The following IPO11 variants were observed in gnomAD, a reference collection of about 807,000 sequenced individuals.
IPO11 encodes the protein importin 11.
A neutral mutation model predicts 143.2 loss-of-function variants in IPO11; 66 were observed. The observed-to-expected ratio is 0.46, with a 90% CI of 0.38 to 0.57. The LOEUF is 0.57. IPO11 is among the 20% of genes least tolerant of loss of function. The pLI, the probability that IPO11 is intolerant of heterozygous loss-of-function variation, is 0.00. For missense variants in IPO11, 1,026 were observed against 1,141.0 expected, an observed-to-expected ratio of 0.90 and a Z score of 1.45; for synonymous variants, 385 against 377.8, an observed-to-expected ratio of 1.02 and a Z score of -0.22.
intron 28 of IPO11, among the ~76,000 whole-genome samples, chr5:62,594,282 A>G (rs951849833): frequency 2.6e-5 from 4 of 152,202 alleles, no homozygotes; most frequent in Admixed American, 1.3e-4. Flanking sequence ...CTTAGGACCC[A>G]TGAGAGCCCA....
chr5:62,424,180 C>G (rs907762322), intron 1 of IPO11, among the ~76,000 whole-genome samples: 2 of 151,374 alleles, frequency 1.3e-5, no homozygotes, highest in African/African-American at 4.9e-5. Context: ...TGCTCTGTCG[C>G]TCAGGCTGGA....
chr5:62,542,933 GTAA>G (rs1743015173), intron 24 of IPO11, among the ~76,000 whole-genome samples: 1 of 152,190 alleles, frequency 6.6e-6, no homozygotes, highest in African/African-American at 2.4e-5. Context: ...AACTTATTGT[GTAA>G]TAATAATAGC....
chr5:62,588,695 C>T (rs1165157166), intron 27 of IPO11, among the ~76,000 whole-genome samples: 2 of 152,226 alleles, frequency 1.3e-5, no homozygotes, highest in Non-Finnish European at 2.9e-5. Context: ...ACTCTACCAG[C>T]TTTGCAAGCT....
chr5:62,610,441 AT>A (rs1745886577), intron 29 of IPO11, among the ~76,000 whole-genome samples: 1 of 152,190 alleles, frequency 6.6e-6, no homozygotes. Flanking sequence ...TTTACTATTA[AT>A]TTTTATCCAT....
chr5:62,438,033 T>C (rs144902878), intron 2 of IPO11, among the ~76,000 whole-genome samples: 336 of 152,344 alleles, frequency 2.2e-3, no homozygotes, highest in African/African-American at 7.6e-3. Flanking sequence ...ACTTTTCTTC[T>C]GAGAAATTGA....
At chr5:62,584,125 T>C (rs1242384441) in intron 27 of IPO11, among the ~76,000 whole-genome samples, 1 of 152,162 alleles carries the variant, frequency 6.6e-6, no homozygotes, top group African/African-American at 2.4e-5. Context: ...TAAAAGCATA[T>C]AACTTTTAAA....
At chr5:62,605,929 C>T (rs1745696684) in intron 29 of IPO11, among the ~76,000 whole-genome samples, 1 of 151,992 alleles carries the variant, frequency 6.6e-6, no homozygotes, top group Admixed American at 6.6e-5. Flanking sequence ...CAGGGTCCCA[C>T]TTTGTTGCTT....
chr5:62,613,082 T>C, intron 29 of IPO11, among the ~76,000 whole-genome samples: 1 of 152,188 alleles, frequency 6.6e-6, no homozygotes. Context: ...TTGTTTAATG[T>C]ACTTTTTCTT....
chr5:62,592,741 A>G (rs1745071619), intron 28 of IPO11, among the ~76,000 whole-genome samples: 1 of 152,100 alleles, frequency 6.6e-6, no homozygotes, highest in Admixed American at 6.5e-5. Flanking sequence ...GGCAGGAAGG[A>G]GAAGTGCTGT....
At chr5:62,425,115 T>G (rs153864) in intron 1 of IPO11, among the ~76,000 whole-genome samples, 9,293 of 152,240 alleles carry the variant, frequency 0.061, 409 homozygotes, top group East Asian at 0.14. Flanking sequence ...TTCATTTCTT[T>G]CTCTCAGGAG....
intron 24 of IPO11, among the ~76,000 whole-genome samples, chr5:62,542,348 TA>T (rs1742987095): frequency 6.6e-6 from 1 of 152,166 alleles, no homozygotes; most frequent in Non-Finnish European, 1.5e-5. Flanking sequence ...ATTTTTATGT[TA>T]AGGAATATTT....
At chr5:62,420,304 A>G in intron 1 of IPO11, among the ~76,000 whole-genome samples, 1 of 151,936 alleles carries the variant, frequency 6.6e-6, no homozygotes, top group Non-Finnish European at 1.5e-5. Context: ...AAAAAAAAAA[A>G]AAAAAAGTAT....
chr5:62,586,764 AAAAAATATATATAT>A (rs1318238895), intron 27 of IPO11, among the ~76,000 whole-genome samples: 1 of 83,144 alleles, frequency 1.2e-5, no homozygotes, highest in African/African-American at 4.6e-5. Context: ...AAAAAAAAAA[AAAAAATATATATAT>A]ATATATATAT....
At chr5:62,415,617 C>T (rs994571503) in intron 1 of IPO11, among the ~76,000 whole-genome samples, 16 of 151,986 alleles carry the variant, frequency 1.1e-4, no homozygotes, top group African/African-American at 3.9e-4. Flanking sequence ...TACCGGCATG[C>T]ACCGCCATGC....
At chr5:62,551,381 A>G (rs1743385770) in intron 26 of IPO11, 45 bp downstream of exon 26, 2 of 1,019,504 alleles carry the variant, frequency 2.0e-6, no homozygotes, top group South Asian at 1.4e-5. Flanking sequence ...TTATCTAAAT[A>G]TAAATTAGAA....
At chr5:62,596,632 C>T (rs1340637744) in intron 28 of IPO11, among the ~76,000 whole-genome samples, 6 of 152,270 alleles carry the variant, frequency 3.9e-5, no homozygotes, top group Middle Eastern at 3.4e-3. Flanking sequence ...ACCCACTGAA[C>T]GGCTCTTCAG....
intron 4 of IPO11, among the ~76,000 whole-genome samples, chr5:62,451,263 A>G (rs1744916216): frequency 1.3e-5 from 2 of 152,358 alleles, no homozygotes. Context: ...TTACTGTATT[A>G]TAAATTAAAA....
At chr5:62,426,256 G>A (rs531537734) in intron 1 of IPO11, among the ~76,000 whole-genome samples, 3 of 152,188 alleles carry the variant, frequency 2.0e-5, no homozygotes, top group East Asian at 3.9e-4. Flanking sequence ...GCATGGTGGC[G>A]GGTACCTGTA....
At chr5:62,443,849 A>T (rs186583476) in intron 3 of IPO11, among the ~76,000 whole-genome samples, 2 of 152,338 alleles carry the variant, frequency 1.3e-5, no homozygotes, top group Admixed American at 1.3e-4. Context: ...CATTGTAGAC[A>T]TGACCCTGGG....
Sources: gnomAD v4.1 joint callset for allele counts (sites outside exome capture counted in the v4.1 genomes callset) on GRCh38, gnomAD v4.1.1 for gene constraint, MANE v1.5 for transcripts, NCBI Gene and HGNC (gene_info 2026-07-23, HGNC 2026-07-21) for gene names.